The following ZC3HAV1L variants were observed in gnomAD, a reference collection of about 807,000 sequenced individuals.
ZC3HAV1L encodes zinc finger CCCH-type antiviral protein 1-like.
ZC3HAV1L carries 23 observed loss-of-function variants against 28.2 expected under a neutral mutation model. The ratio of observed to expected loss-of-function variants is 0.82; its 90% CI spans 0.59 to 1.16. The LOEUF (loss-of-function observed/expected upper bound fraction) is 1.16, where lower values mean the gene tolerates loss of function less well. Ranked by LOEUF, ZC3HAV1L falls within the 50% of genes most tolerant of loss-of-function variation. The pLI, the probability that ZC3HAV1L is intolerant of heterozygous loss-of-function variation, is 0.00. For synonymous variants in ZC3HAV1L, 180 were observed against 163.4 expected (o/e 1.10, Z -0.78); for missense variants, 376 against 387.7 (o/e 0.97, Z 0.25).
downstream of ZC3HAV1L, among the ~76,000 whole-genome samples, chr7:139,024,776 T>C (rs1584815377): frequency 1.3e-5 from 2 of 152,354 alleles, no homozygotes; most frequent in East Asian, 1.9e-4. Context: ...GAAAACTTAT[T>C]ACATTGTCTC....
At chr7:139,027,954 A>G (rs10085553) in intron 3 of ZC3HAV1L, among the ~76,000 whole-genome samples, 76,468 of 152,008 alleles carry the variant, frequency 0.5, 19,747 homozygotes, top group African/African-American at 0.54. Context: ...CTGTAATGTC[A>G]TTAAAATTAC....
chr7:139,026,438 A>T lies in ZC3HAV1L; in HGVS notation c.*106T>A. ...CTTGCCCTGGACTAGCCCCATCTGC[A>T]CTCAATTTTAGCCTCTCTTTGCCTG... On this transcript the variant is annotated 3_prime_UTR_variant, in exon 5 of 5. Transcript: ENST00000275766. 1 of 1,537,034 alleles carries T rather than the reference A, an allele frequency of 6.5e-7. No homozygotes were observed. Among genetic ancestry groups the T allele is most frequent in the Non-Finnish European group, 8.7e-7 (1 of 1,145,406 alleles).
Position 139,036,018 on chromosome 7 carries a change from G to C in ZC3HAV1L, c.-1C>G. 5 of 1,503,232 alleles carry C rather than the reference G, an allele frequency of 3.3e-6. No individual in the cohort carries two copies. The highest frequency in any genetic ancestry group is 2.1e-5 in the Admixed American group (1 of 47,552). The allele number at this position is 1,503,232 out of a possible 1,614,324, so 93.1% of individuals were successfully genotyped here. ...AGGAGCACACTGTGGGCTCCGCCATGGTCGCTGGCGCGGGCCCTGTGCGCG... is the reference window on the plus strand; with the variant it reads ...AGGAGCACACTGTGGGCTCCGCCATCGTCGCTGGCGCGGGCCCTGTGCGCG... On this transcript the variant is annotated 5_prime_UTR_variant, in exon 1 of 5. Transcript: ENST00000275766.
At chr7:139,034,280 T>A (rs1815627625) in intron 2 of ZC3HAV1L, 1 of 826,850 alleles carries the variant, frequency 1.2e-6, no homozygotes, top group Admixed American at 6.2e-5. Context: ...AATCTTGCTT[T>A]TAATTGGTGG....
At chr7:139,033,372 T>G (rs1448318975) in intron 2 of ZC3HAV1L, among the ~76,000 whole-genome samples, 1 of 152,246 alleles carries the variant, frequency 6.6e-6, no homozygotes, top group Non-Finnish European at 1.5e-5. Flanking sequence ...TGTCCATCAA[T>G]GCACCAGCAT....
downstream of ZC3HAV1L, among the ~76,000 whole-genome samples, chr7:139,023,231 A>G (rs369088284): frequency 6.6e-5 from 10 of 152,040 alleles, no homozygotes; most frequent in East Asian, 1.7e-3. Context: ...GAGAATCACA[A>G]GACAAAATAG....
downstream of ZC3HAV1L, among the ~76,000 whole-genome samples, chr7:139,022,779 C>G (rs1445919113): frequency 1.3e-5 from 2 of 152,204 alleles, no homozygotes; most frequent in South Asian, 4.1e-4. Context: ...AAGAATGCTA[C>G]AAGAGTCACC....
At chr7:139,034,794 T>C in intron 1 of ZC3HAV1L, 116 bp from the exon 2 acceptor site, 1 of 1,466,714 alleles carries the variant, frequency 6.8e-7, no homozygotes, top group South Asian at 1.5e-5. Context: ...GTAATTTTCA[T>C]GAAACCGGGG....
At chr7:139,023,583 A>C (rs1383701291), downstream of ZC3HAV1L, among the ~76,000 whole-genome samples, 1 of 152,248 alleles carries the variant, frequency 6.6e-6, no homozygotes, top group African/African-American at 2.4e-5. Context: ...GGAAGGTTTC[A>C]GCAGGAAAAA....
chr7:139,026,572 ATAT>A lies in ZC3HAV1L; in HGVS notation c.887-15_887-13del. On this transcript the variant is annotated splice_polypyrimidine_tract_variant and intron_variant, in intron 4 of 4. Coordinates refer to ENST00000275766, the MANE Select transcript of ZC3HAV1L (RefSeq NM_080660.4). ...CTTCTCGCAAGACACTGTGAGGTAG[ATAT>A]TATTATGACCATTACAAATCTATCA... 2 of 1,612,654 alleles carry A rather than the reference ATAT, an allele frequency of 1.2e-6. No individual in the cohort carries two copies. The highest frequency in any genetic ancestry group is 1.7e-6 in the Non-Finnish European group (2 of 1,178,620).
At chr7:139,026,910 C>T (rs1815370619) in intron 3 of ZC3HAV1L, 77 bp from the exon 4 acceptor site, 1 of 1,507,506 alleles carries the variant, frequency 6.6e-7, no homozygotes, top group South Asian at 1.3e-5. Context: ...GCCCAGCTAA[C>T]CAGCCATCAG....
At chr7:139,022,203 A>C (rs1358010532), downstream of ZC3HAV1L, among the ~76,000 whole-genome samples, 8 of 152,158 alleles carry the variant, frequency 5.3e-5, no homozygotes. Context: ...AAACATGTTG[A>C]CCTTATATAA....
intron 2 of ZC3HAV1L, 121 bp downstream of exon 2, chr7:139,034,422 T>A: frequency 6.9e-7 from 1 of 1,447,388 alleles, no homozygotes; most frequent in African/African-American, 1.4e-5. Context: ...CTTTAAAGCA[T>A]TTGAAACTGA....
chr7:139,031,043 G>A (rs915693696), intron 2 of ZC3HAV1L, among the ~76,000 whole-genome samples: 23 of 152,004 alleles, frequency 1.5e-4, no homozygotes, highest in African/African-American at 5.1e-4. Flanking sequence ...AAATAAATTC[G>A]TAACTTTAAT....
intron 2 of ZC3HAV1L, among the ~76,000 whole-genome samples, chr7:139,029,245 T>C (rs1187319161): frequency 6.6e-6 from 1 of 152,158 alleles, no homozygotes; most frequent in African/African-American, 2.4e-5. Context: ...TCAGGTGATC[T>C]GCCCACCTCA....
chr7:139,023,873 G>C (rs1317396373), downstream of ZC3HAV1L, among the ~76,000 whole-genome samples: 1 of 152,174 alleles, frequency 6.6e-6, no homozygotes, highest in Non-Finnish European at 1.5e-5. Context: ...GAAAGGGGCA[G>C]AGAAGGATAA....
At chr7:139,031,755 A>C (rs1815539240) in intron 2 of ZC3HAV1L, among the ~76,000 whole-genome samples, 1 of 151,450 alleles carries the variant, frequency 6.6e-6, no homozygotes, top group African/African-American at 2.4e-5. Context: ...AATACAAAAA[A>C]CTAGCTGGGT....
chr7:139,025,606 C>T (rs564793392), downstream of ZC3HAV1L: 6 of 152,022 alleles, frequency 3.9e-5, no homozygotes, highest in East Asian at 5.8e-4. Flanking sequence ...TTTGAGGCCT[C>T]GTTAAAGGCT....
intron 2 of ZC3HAV1L, among the ~76,000 whole-genome samples, chr7:139,029,946 A>C (rs1815474605): frequency 6.6e-6 from 1 of 152,204 alleles, no homozygotes; most frequent in Admixed American, 6.5e-5. Flanking sequence ...TAATGATGGG[A>C]TCAGGCTGTT....
Sources: gnomAD v4.1 joint callset for allele counts (sites outside exome capture counted in the v4.1 genomes callset) on GRCh38, gnomAD v4.1.1 for gene constraint, MANE v1.5 for transcripts, NCBI Gene and HGNC (gene_info 2026-07-23, HGNC 2026-07-21) for gene names.